FBN2: variants seen among roughly 807,000 people sequenced by gnomAD.
FBN2 encodes the protein fibrillin-2.
In FBN2, 105 loss-of-function variants were observed where a neutral mutation model predicts 355.6. The observed-to-expected ratio is 0.30, with a 90% CI of 0.25 to 0.35. FBN2 has a LOEUF of 0.35. Ranked by LOEUF, FBN2 falls within the 10% of genes least tolerant of loss-of-function variation. FBN2 has a pLI of 1.00. For synonymous variants in FBN2, 1,350 were observed against 1,301.2 expected, an observed-to-expected ratio of 1.04 and a Z score of -0.81; for missense variants, 3,280 against 3,758.7, an observed-to-expected ratio of 0.87 and a Z score of 3.33.
intron 5 of FBN2, among the ~76,000 whole-genome samples, chr5:128,476,069 A>G (rs1755000501): frequency 6.6e-6 from 1 of 152,208 alleles, no homozygotes; most frequent in African/African-American, 2.4e-5. Context: ...ACATTACGCA[A>G]AAGTTGTGAC....
intron 14 of FBN2, 128 bp from the exon 15 acceptor site, chr5:128,374,878 T>TTATA: frequency 1.0e-6 from 1 of 961,448 alleles, no homozygotes; most frequent in Non-Finnish European, 1.6e-6. Flanking sequence ...GAAGAACAAA[T>TTATA]AAGTGTGGTA....
At chr5:128,285,088 G>C (rs1024543422) in intron 55 of FBN2, among the ~76,000 whole-genome samples, 8 of 152,140 alleles carry the variant, frequency 5.3e-5, no homozygotes, top group African/African-American at 1.9e-4. Flanking sequence ...GCATAGTCAA[G>C]TTTCCGTCTC....
At chr5:128,487,835 T>G (rs1368764287) in intron 5 of FBN2, among the ~76,000 whole-genome samples, 3 of 152,184 alleles carry the variant, frequency 2.0e-5, no homozygotes, top group Admixed American at 2.0e-4. Context: ...AGCATCCATA[T>G]GACATATAAA....
chr5:128,501,263 A>G (rs1755801242), intron 5 of FBN2, among the ~76,000 whole-genome samples: 1 of 152,206 alleles, frequency 6.6e-6, no homozygotes, highest in Admixed American at 6.5e-5. Context: ...GAATAACCTG[A>G]GAAAGTACAG....
At chr5:128,517,109 A>T (rs1043115498) in intron 5 of FBN2, among the ~76,000 whole-genome samples, 49 of 152,200 alleles carry the variant, frequency 3.2e-4, no homozygotes, top group African/African-American at 1.2e-3. Context: ...CATGTAAAAT[A>T]TATGTAAATC....
intron 36 of FBN2, among the ~76,000 whole-genome samples, chr5:128,314,901 T>C (rs931449516): frequency 2.0e-5 from 3 of 152,150 alleles, no homozygotes; most frequent in Admixed American, 2.0e-4. Context: ...AACTCCGTGG[T>C]GTATAATTGC....
intron 11 of FBN2, among the ~76,000 whole-genome samples, chr5:128,381,586 A>G (rs1011233038): frequency 6.6e-6 from 1 of 152,180 alleles, no homozygotes; most frequent in African/African-American, 2.4e-5. Context: ...CAAAAATTGA[A>G]TTAGAGTATA....
chr5:128,533,992 A>T (rs946993997), intron 2 of FBN2, among the ~76,000 whole-genome samples: 2 of 152,102 alleles, frequency 1.3e-5, no homozygotes, highest in African/African-American at 4.8e-5. Context: ...ACTCAAATCA[A>T]AATGCATTAG....
chr5:128,312,145 C>T (rs946329981), intron 37 of FBN2, among the ~76,000 whole-genome samples, 192 bp from the exon 38 acceptor site: 2 of 152,160 alleles, frequency 1.3e-5, no homozygotes, highest in Admixed American at 1.3e-4. Flanking sequence ...TAATCACATA[C>T]ACAGTAGAAT....
chr5:128,448,401 G>T (rs1412921808), intron 6 of FBN2, among the ~76,000 whole-genome samples: 2 of 151,964 alleles, frequency 1.3e-5, no homozygotes, highest in African/African-American at 4.8e-5. Context: ...CCACCTCCCA[G>T]GTTCAAGCGA....
chr5:128,498,729 G>T (rs1468465053), intron 5 of FBN2, among the ~76,000 whole-genome samples: 1 of 152,142 alleles, frequency 6.6e-6, no homozygotes, highest in Non-Finnish European at 1.5e-5. Context: ...TCTAAAAAGA[G>T]AAGTATTATA....
intron 5 of FBN2, among the ~76,000 whole-genome samples, chr5:128,486,306 A>T (rs777716937): frequency 2.6e-5 from 4 of 152,170 alleles, no homozygotes; most frequent in Non-Finnish European, 4.4e-5. Flanking sequence ...CTGTACCCCC[A>T]TATCATAAAT....
chr5:128,318,761 A>G, intron 35 of FBN2, 118 bp downstream of exon 35: 2 of 1,038,474 alleles, frequency 1.9e-6, no homozygotes, highest in South Asian at 3.4e-5. Context: ...TCTTTTTCTG[A>G]AAAATGTGTA....
intron 25 of FBN2, among the ~76,000 whole-genome samples, chr5:128,340,003 C>T (rs1750957117): frequency 1.3e-5 from 2 of 152,018 alleles, no homozygotes; most frequent in Admixed American, 6.6e-5. Context: ...TTTGTTTCCT[C>T]TTTTTATATA....
intron 5 of FBN2, among the ~76,000 whole-genome samples, chr5:128,500,976 C>T (rs1018619261): frequency 2.0e-5 from 3 of 152,136 alleles, no homozygotes; most frequent in African/African-American, 7.2e-5. Flanking sequence ...GGTTAGTTAT[C>T]CTCAGCATTA....
intron 34 of FBN2, among the ~76,000 whole-genome samples, chr5:128,321,898 T>C (rs1350500767): frequency 1.3e-5 from 2 of 152,138 alleles, no homozygotes; most frequent in African/African-American, 2.4e-5. Flanking sequence ...AACTAATTTA[T>C]ACTCCCACCA....
At chr5:128,426,532 T>C (rs1245077543) in intron 7 of FBN2, among the ~76,000 whole-genome samples, 1 of 152,208 alleles carries the variant, frequency 6.6e-6, no homozygotes, top group Non-Finnish European at 1.5e-5. Flanking sequence ...TTGCATATTC[T>C]CTCTTGACCA....
intron 6 of FBN2, among the ~76,000 whole-genome samples, chr5:128,447,620 A>T (rs1159541881): frequency 1.3e-5 from 2 of 152,180 alleles, no homozygotes; most frequent in Non-Finnish European, 2.9e-5. Flanking sequence ...CGGTCCTGCG[A>T]TCTTGCCCTG....
intron 39 of FBN2, among the ~76,000 whole-genome samples, chr5:128,311,057 C>G (rs1750041559): frequency 6.6e-6 from 1 of 152,024 alleles, no homozygotes; most frequent in African/African-American, 2.4e-5. Flanking sequence ...TCACACTACC[C>G]CATTTTCCCA....
Sources: gnomAD v4.1 joint callset for allele counts (sites outside exome capture counted in the v4.1 genomes callset) on GRCh38, gnomAD v4.1.1 for gene constraint, MANE v1.5 for transcripts, NCBI Gene and HGNC (gene_info 2026-07-23, HGNC 2026-07-21) for gene names.